Variants in MMP26 observed in about 807,000 individuals in gnomAD.
MMP26 encodes matrix metalloproteinase-26.
A neutral mutation model predicts 31.0 loss-of-function variants in MMP26; 33 were observed. The ratio of observed to expected loss-of-function variants is 1.06; its 90% CI spans 0.81 to 1.42. The LOEUF (loss-of-function observed/expected upper bound fraction) is 1.42, where lower values mean the gene tolerates loss of function less well. MMP26 is among the 40% of genes most tolerant of loss of function. The probability of loss-of-function intolerance (pLI) is 0.00; values close to 1 mark genes in which losing one functional copy is unlikely to be tolerated. For synonymous variants in MMP26, 122 were observed against 114.9 expected (o/e 1.06, Z -0.40); for missense variants, 347 against 316.1 (o/e 1.10, Z -0.74).
chr11:4,801,092 C>T (rs1228022290), intron 2 of MMP26, among the ~76,000 whole-genome samples: 1 of 152,190 alleles, frequency 6.6e-6, no homozygotes, highest in Non-Finnish European at 1.5e-5. Context: ...GCCCATATTT[C>T]TATCAGCATT....
At chr11:4,766,693 T>TCCCC (rs1554931044) in intron 1 of MMP26, among the ~76,000 whole-genome samples, 1 of 49,344 alleles carries the variant, frequency 2.0e-5, no homozygotes, top group African/African-American at 7.8e-5. Flanking sequence ...CCACTTTCCT[T>TCCCC]TCCCTCCCTC....
At chr11:4,864,418 A>C (rs1311042993) in intron 2 of MMP26, among the ~76,000 whole-genome samples, 1 of 152,128 alleles carries the variant, frequency 6.6e-6, no homozygotes, top group East Asian at 1.9e-4. Flanking sequence ...ATTTTCCATC[A>C]CAAGCATATT....
At chr11:4,780,590 T>C (rs946456147) in intron 2 of MMP26, among the ~76,000 whole-genome samples, 1 of 152,188 alleles carries the variant, frequency 6.6e-6, no homozygotes, top group Non-Finnish European at 1.5e-5. Flanking sequence ...AAGGATACAG[T>C]GAAATCTGTA....
chr11:4,981,664 C>A (rs747090813), intron 2 of MMP26, among the ~76,000 whole-genome samples: 1 of 151,938 alleles, frequency 6.6e-6, no homozygotes, highest in Non-Finnish European at 1.5e-5. Context: ...ATAAATTAAC[C>A]TATCTTCTTA....
chr11:4,733,675 G>A (rs1478841388), intron 1 of MMP26, among the ~76,000 whole-genome samples: 1 of 152,012 alleles, frequency 6.6e-6, no homozygotes, highest in East Asian at 1.9e-4. Flanking sequence ...TTATTTCCTT[G>A]CCTTGTCTAG....
chr11:4,804,277 C>T (rs534928353), intron 2 of MMP26: 1 of 1,613,924 alleles, frequency 6.2e-7, no homozygotes, highest in South Asian at 1.1e-5. Flanking sequence ...ATACGTGGCA[C>T]AGAACGGAAA....
At position 4,742,428 on chromosome 11, in the gene MMP26, C is replaced by T. The variant is rs1281676403; in HGVS notation, c.-216-24842C>T. Among the ~76,000 whole-genome samples the T allele has an allele frequency of 4.6e-5, 7 of 151,904 alleles. No individual in the cohort carries two copies. In the East Asian group the frequency reaches 5.8e-4, roughly 13 times the overall value. On this transcript the variant is annotated intron_variant, in intron 1 of 7. Transcript: ENST00000380390. ...TAAGTTCCAAGTATAGTTGGAAAAACGTGGGCATGAGGGGAGGGGTATGAT... is the reference window on the plus strand; with the variant it reads ...TAAGTTCCAAGTATAGTTGGAAAAATGTGGGCATGAGGGGAGGGGTATGAT...
intron 2 of MMP26, chr11:4,832,193 G>A: frequency 5.5e-6 from 1 of 181,974 alleles, no homozygotes. Context: ...TGGGATACCA[G>A]GACTTGAGCA....
intron 2 of MMP26, 22 bp from the exon 3 acceptor site, chr11:4,988,046 C>T: frequency 1.5e-6 from 1 of 668,446 alleles, no homozygotes; most frequent in Admixed American, 2.1e-5. Context: ...CCCTTGCATG[C>T]TGGTCACTCT....
In MMP26 at chr11:4,714,920, T is replaced by TCTCTCACA. The variant is rs376354906; in HGVS notation, c.-217+9876_-217+9877insTCTCACAC. Among the ~76,000 whole-genome samples the TCTCTCACA allele has an allele frequency of 3.8e-3, 539 of 141,756 alleles. 1 individual carries two copies. The highest frequency in any genetic ancestry group is 5.4e-3 in the Non-Finnish European group (353 of 65,666). 93.0% of individuals were successfully genotyped at this position (141,756 alleles called of 152,430 possible). On this transcript the variant is annotated intron_variant, in intron 1 of 7. Coordinates refer to ENST00000380390, the MANE Select transcript of MMP26 (RefSeq NM_021801.5). ...CCAAATCTCTCTCTCTCTCTCTCTC[T>TCTCTCACA]CACACACACACACACACACACACAC...
At chr11:4,961,411 G>A (rs919168268) in intron 2 of MMP26, among the ~76,000 whole-genome samples, 1 of 152,066 alleles carries the variant, frequency 6.6e-6, no homozygotes, top group African/African-American at 2.4e-5. Context: ...CCTCTTACAC[G>A]CACACACTGA....
intron 2 of MMP26, among the ~76,000 whole-genome samples, chr11:4,863,048 G>T (rs1298290877): frequency 6.6e-6 from 1 of 152,144 alleles, no homozygotes; most frequent in Admixed American, 6.5e-5. Flanking sequence ...TGACCAGCTG[G>T]TTCATCCCTA....
intron 2 of MMP26, chr11:4,832,075 T>G (rs1229997695): frequency 6.6e-6 from 1 of 152,228 alleles, no homozygotes; most frequent in Non-Finnish European, 1.5e-5. Flanking sequence ...TAAAAACTTT[T>G]ATCTATTGTG....
rs945369729 is a variant in MMP26, at chr11:4,886,640, C to T, written c.-144-101428C>T. On this transcript the variant is annotated intron_variant, in intron 2 of 7. Transcript: ENST00000380390. The stretch of plus-strand genomic sequence containing the variant: ...CCACCCTCATCAAAAGAAAAAAATA[C>T]AACTATTACTCAAAAAGTGCAAGAA... Among the ~76,000 whole-genome samples, 5 of 151,048 alleles carry T rather than the reference C, an allele frequency of 3.3e-5. No individual in the cohort carries two copies. The East Asian group carries it at 9.6e-4, about 29-fold the overall frequency.
At chr11:4,749,741 A>G (rs971940472) in intron 1 of MMP26, among the ~76,000 whole-genome samples, 1 of 152,098 alleles carries the variant, frequency 6.6e-6, no homozygotes, top group Non-Finnish European at 1.5e-5. Context: ...TGCAGAATGA[A>G]TCTGGACACC....
chr11:4,849,304 C>G, intron 2 of MMP26: 3 of 1,324,378 alleles, frequency 2.3e-6, no homozygotes, highest in Middle Eastern at 2.7e-4. Flanking sequence ...TCCAAAATAG[C>G]CTGCATCTTC....
At chr11:4,823,625 C>T (rs115576733) in intron 2 of MMP26, among the ~76,000 whole-genome samples, 2,347 of 152,146 alleles carry the variant, frequency 0.015, 54 homozygotes, top group African/African-American at 0.044. Context: ...GAATTAATGC[C>T]GAGACATCCA....
chr11:4,820,540 C>A (rs369991292), intron 2 of MMP26, among the ~76,000 whole-genome samples: 12 of 151,760 alleles, frequency 7.9e-5, no homozygotes, highest in African/African-American at 2.7e-4. Flanking sequence ...CTCCCTTCTT[C>A]CTCTTATTCC....
chr11:4,787,705 A>AT (rs1387800215), intron 2 of MMP26: 1 of 152,248 alleles, frequency 6.6e-6, no homozygotes, highest in Non-Finnish European at 1.5e-5. Flanking sequence ...AAGAAATGTA[A>AT]TGGGGGCTTT....
Sources: gnomAD v4.1 joint callset for allele counts (sites outside exome capture counted in the v4.1 genomes callset) on GRCh38, gnomAD v4.1.1 for gene constraint, MANE v1.5 for transcripts, NCBI Gene and HGNC (gene_info 2026-07-23, HGNC 2026-07-21) for gene names.